The following PLEKHA5 variants were observed in gnomAD, a reference collection of about 807,000 sequenced individuals.
The protein encoded by PLEKHA5 is pleckstrin homology domain-containing family A member 5.
PLEKHA5 carries 55 observed loss-of-function variants against 181.9 expected under a neutral mutation model. The observed-to-expected ratio is 0.30, with a 90% confidence interval of 0.24 to 0.38. PLEKHA5 has a LOEUF of 0.38. Among genes scored for constraint, PLEKHA5 ranks in the 10% least tolerant of loss-of-function variants. The probability of loss-of-function intolerance (pLI) is 1.00; values close to 1 mark genes in which losing one functional copy is unlikely to be tolerated. For synonymous variants in PLEKHA5, 535 were observed against 529.4 expected, an observed-to-expected ratio of 1.01 and a Z score of -0.15; for missense variants, 1,432 against 1,549.5, an observed-to-expected ratio of 0.92 and a Z score of 1.27.
At chr12:19,277,155 G>A (rs1231917151) in intron 11 of PLEKHA5, among the ~76,000 whole-genome samples, 1 of 151,924 alleles carries the variant, frequency 6.6e-6, no homozygotes, top group African/African-American at 2.4e-5. Context: ...GCAGGTCTGG[G>A]GGGAAAAAAA....
intron 15 of PLEKHA5, among the ~76,000 whole-genome samples, chr12:19,312,522 G>A (rs902503240): frequency 6.6e-6 from 1 of 152,194 alleles, no homozygotes; most frequent in Non-Finnish European, 1.5e-5. Context: ...GCACTTACAT[G>A]TTATGGAGAT....
At chr12:19,217,020 C>A (rs1003123268) in intron 3 of PLEKHA5, among the ~76,000 whole-genome samples, 2 of 152,136 alleles carry the variant, frequency 1.3e-5, no homozygotes, top group African/African-American at 4.8e-5. Flanking sequence ...GACTGCCTTA[C>A]AACAATATTG....
intron 11 of PLEKHA5, among the ~76,000 whole-genome samples, chr12:19,281,926 C>T (rs937979118): frequency 1.3e-4 from 20 of 152,082 alleles, no homozygotes; most frequent in African/African-American, 4.8e-4. Flanking sequence ...GGACTACAGG[C>T]ACCTGCCACC....
chr12:19,375,310 A>T (rs989382528), intron 31 of PLEKHA5, among the ~76,000 whole-genome samples: 1 of 151,990 alleles, frequency 6.6e-6, no homozygotes, highest in Non-Finnish European at 1.5e-5. Context: ...GGCGATAGTG[A>T]TACCCTGTCT....
rs966318405 is a variant in PLEKHA5 at position 19,306,612 on chromosome 12, G to A, written c.2038-8202G>A. On this transcript the variant is annotated intron_variant, in intron 15 of 31. Transcript: ENST00000429027. ...CCTAGCGGCGGGCCCAGTAGCGGAG[G>A]TGGTGGCGGCGGTGGAGGCGGCGGC... 6.2e-5 allele frequency: 59 copies of A among 959,006 alleles called. No homozygotes were observed. In the Admixed American group the frequency reaches 9.9e-4, roughly 16 times the overall value. The allele number at this position is 959,006 out of a possible 1,614,324, so 59.4% of individuals were successfully genotyped here.
At chr12:19,173,173 G>A (rs1271916051) in intron 3 of PLEKHA5, among the ~76,000 whole-genome samples, 4 of 149,422 alleles carry the variant, frequency 2.7e-5, no homozygotes, top group East Asian at 2.0e-4. Flanking sequence ...ACAGGCGCCC[G>A]CCACCGCGCC....
At chr12:19,220,825 A>G (rs1055286896) in intron 3 of PLEKHA5, among the ~76,000 whole-genome samples, 1 of 152,222 alleles carries the variant, frequency 6.6e-6, no homozygotes, top group Non-Finnish European at 1.5e-5. Context: ...AAAACAGACA[A>G]CCCAATTAAA....
At chr12:19,151,734 G>A (rs2040430896) in intron 3 of PLEKHA5, 1 of 151,846 alleles carries the variant, frequency 6.6e-6, no homozygotes, top group South Asian at 2.1e-4. Context: ...AATACTAAAG[G>A]ACAGTGATTT....
intron 3 of PLEKHA5, among the ~76,000 whole-genome samples, chr12:19,206,975 G>A (rs938331568): frequency 6.6e-6 from 1 of 151,870 alleles, no homozygotes; most frequent in Non-Finnish European, 1.5e-5. Flanking sequence ...ATTCATGAGG[G>A]GATAAGTCAT....
rs1235114000 is a variant in PLEKHA5 at position 19,156,064 on chromosome 12, C to T, written c.227+23614C>T. ...AATTATTTGTGTTAAAAAGTAGTTT[C>T]CGTTTTATAATCTTGCTTTTTGAGC... On this transcript the variant is annotated intron_variant, in intron 3 of 31. Transcript: ENST00000429027. 3.9e-5 allele frequency among the ~76,000 whole-genome samples: 6 copies of T among 152,114 alleles called. 1 individual carries two copies. Among genetic ancestry groups the T allele is most frequent in the Non-Finnish European group, 8.8e-5 (6 of 68,016 alleles).
intron 20 of PLEKHA5, among the ~76,000 whole-genome samples, chr12:19,333,652 G>A (rs1057300770): frequency 5.3e-5 from 7 of 131,148 alleles, no homozygotes; most frequent in African/African-American, 1.4e-4. Flanking sequence ...ACTGTCGCCC[G>A]AGCTGGAGTG....
intron 15 of PLEKHA5, among the ~76,000 whole-genome samples, chr12:19,298,659 G>A (rs112499805): frequency 0.043 from 6,519 of 151,842 alleles, 156 homozygotes; most frequent in East Asian, 0.055. Flanking sequence ...GTAAGCCACC[G>A]CGCCTGGCCC....
chr12:19,260,847 C>T lies in PLEKHA5; in HGVS notation c.538-102C>T, dbSNP rs546324189. The T allele has an allele frequency of 6.1e-5, 40 of 660,624 alleles. No homozygotes were observed. The South Asian group carries it at 7.9e-4, about 13-fold the overall frequency. 40.9% of individuals were successfully genotyped at this position (660,624 alleles called of 1,614,324 possible). On this transcript the variant is annotated intron_variant, in intron 6 of 31. Transcript: ENST00000429027. ...TGCACTCCAGCCTGGGCAACAAGAG[C>T]GAAACTCCATCTCAAAAAAATAAAA...
chr12:19,322,688 C>T (rs1409933553), intron 20 of PLEKHA5, 21 bp downstream of exon 20: 1 of 1,582,428 alleles, frequency 6.3e-7, no homozygotes, highest in African/African-American at 1.4e-5. Flanking sequence ...TTTTTTTTTC[C>T]CCTAATAAAA....
At chr12:19,374,770 C>T (rs1361062888) in intron 31 of PLEKHA5, among the ~76,000 whole-genome samples, 1 of 151,110 alleles carries the variant, frequency 6.6e-6, no homozygotes, top group Non-Finnish European at 1.5e-5. Flanking sequence ...GCCTGGGCAA[C>T]ACGGTGAAAC....
At chr12:19,320,823 C>T (rs534908500) in intron 18 of PLEKHA5, 199 bp downstream of exon 18, 197 of 334,264 alleles carry the variant, frequency 5.9e-4, no homozygotes, top group African/African-American at 4.0e-3. Context: ...AGCAGTCCAA[C>T]GTTATTAAGC....
intron 3 of PLEKHA5, among the ~76,000 whole-genome samples, chr12:19,224,713 A>G (rs1301806294): frequency 1.3e-5 from 2 of 152,232 alleles, no homozygotes; most frequent in East Asian, 1.9e-4. Context: ...ACCATCATTC[A>G]GTGTTCTAAT....
chr12:19,138,527 C>A (rs1391272807), intron 3 of PLEKHA5, among the ~76,000 whole-genome samples: 3 of 150,310 alleles, frequency 2.0e-5, no homozygotes, highest in Non-Finnish European at 3.0e-5. Flanking sequence ...GGGCCGAGAT[C>A]ACGCCACTGC....
intron 3 of PLEKHA5, among the ~76,000 whole-genome samples, chr12:19,224,882 G>C (rs2059476481): frequency 6.6e-6 from 1 of 152,152 alleles, no homozygotes; most frequent in South Asian, 2.1e-4. Flanking sequence ...TGCACCTTTA[G>C]TCTCAGCTGA....
Sources: allele counts gnomAD v4.1 joint callset (sites outside exome capture counted in the v4.1 genomes callset), GRCh38; gene constraint gnomAD v4.1.1; transcripts MANE v1.5; gene names NCBI Gene and HGNC (gene_info 2026-07-23, HGNC 2026-07-21).